MX1: variants seen among roughly 807,000 people sequenced by gnomAD.
The protein encoded by MX1 is interferon-induced GTP-binding protein Mx1.
Under a neutral mutation model 66.4 loss-of-function variants are expected in MX1, and 66 were observed. That is an observed-to-expected ratio of 0.99 (90% CI 0.82 to 1.22). The LOEUF is 1.22. Among genes scored for constraint, MX1 ranks in the 50% most tolerant of loss-of-function variants. The pLI is 0.00. For synonymous variants in MX1, 311 were observed against 318.1 expected, an observed-to-expected ratio of 0.98 and a Z score of 0.24; for missense variants, 787 against 834.3, an observed-to-expected ratio of 0.94 and a Z score of 0.70.
intron 8 of MX1, 53 bp from the exon 9 acceptor site, chr21:41,440,834 C>T: frequency 6.2e-7 from 1 of 1,610,294 alleles, no homozygotes; most frequent in East Asian, 2.2e-5. Flanking sequence ...CTTGTCTCAC[C>T]TCTCACTTGC....
intron 16 of MX1, among the ~76,000 whole-genome samples, chr21:41,455,549 C>T (rs549883721): frequency 2.0e-5 from 3 of 152,374 alleles, no homozygotes; most frequent in East Asian, 1.9e-4. Context: ...AGCCCTTCTC[C>T]GGGTTCATTT....
rs1601528442 is a variant in MX1 at position 41,449,241 on chromosome 21, C to T, written c.1378C>T (p.Gln460Ter). Reference sequence around the variant, plus strand: ...CAGGACATTTGAGACAATCGTGAAACAGCAAATCAAGGCACTGGAAGAGCC... The same window carrying T: ...CAGGACATTTGAGACAATCGTGAAATAGCAAATCAAGGCACTGGAAGAGCC... Reference protein sequence around the residue: ...NYRTFETIVKQQIKALEEPAV... With the variant: ...NYRTFETIVK The change falls in exon 14 of 17, where the codon CAG (glutamine) becomes TAG (stop). Residue 460 changes from glutamine to a stop codon, truncating the protein, a stop_gained. Coordinates refer to ENST00000398598, the MANE Select transcript of MX1 (RefSeq NM_002462.5). LOFTEE classifies it high-confidence loss of function. 6.2e-7 allele frequency: 1 copy of T among 1,613,914 alleles called. No homozygotes were observed. The highest frequency in any genetic ancestry group is 2.2e-5 in the East Asian group (1 of 44,876).
At chr21:41,445,860 T>G (rs1055128555) in intron 12 of MX1, 140 bp from the exon 13 acceptor site, 10 of 1,130,832 alleles carry the variant, frequency 8.8e-6, no homozygotes, top group African/African-American at 1.6e-5. Flanking sequence ...TGCCAAAACC[T>G]CTTCTTTCCC....
At chr21:41,431,784 T>C (rs1467643856) in intron 4 of MX1, 4 of 353,954 alleles carry the variant, frequency 1.1e-5, no homozygotes, top group Non-Finnish European at 2.1e-5. Context: ...TGGAGGGATA[T>C]TCTTGAAGCG....
rs573531362 is a variant in MX1 at position 41,443,703 on chromosome 21, G to A, written c.930-85G>A. On this transcript the variant is annotated intron_variant, in intron 10 of 16. Transcript: ENST00000398598. ...ATCCAGTTGTAAGCAACTGAAATTTGCCTTGACTTTCCCCAACAGCAAAAA... is the reference window on the plus strand; with the variant it reads ...ATCCAGTTGTAAGCAACTGAAATTTACCTTGACTTTCCCCAACAGCAAAAA... 85 of 1,262,486 alleles carry A rather than the reference G, an allele frequency of 6.7e-5. No homozygotes were observed. The East Asian group carries it at 7.5e-4, about 11-fold the overall frequency. The allele number at this position is 1,262,486 out of a possible 1,614,324, so 78.2% of individuals were successfully genotyped here.
In MX1 at chr21:41,441,321, C is replaced by T. The variant is rs2090505635; in HGVS notation, c.730+296C>T. ...TTTTGACTCTCACTGGCTAGGTTGC[C>T]TTGTAAGCCTTATCTACTTGCTCAG... On this transcript the variant is annotated intron_variant, in intron 9 of 16. Transcript: ENST00000398598. This position sits in a 1 kb window ranked among gnomAD's most constrained non-coding sequence, Gnocchi z 4.0. The T allele has an allele frequency of 2.0e-5, 9 of 442,010 alleles. No homozygotes were observed. In the South Asian group the frequency reaches 2.2e-4, roughly 11 times the overall value. 27.4% of individuals were successfully genotyped at this position (442,010 alleles called of 1,614,324 possible).
At chr21:41,429,758 A>T (rs1349926319) in intron 3 of MX1, 3 of 152,056 alleles carry the variant, frequency 2.0e-5, no homozygotes, top group African/African-American at 7.3e-5. Context: ...AATACAAAAA[A>T]TTAGCCGGGT....
At chr21:41,421,687 A>G (rs1318555345), upstream of MX1, among the ~76,000 whole-genome samples, 2 of 152,216 alleles carry the variant, frequency 1.3e-5, no homozygotes, top group African/African-American at 4.8e-5. Flanking sequence ...CACATGTTTC[A>G]GAGAGCATGG....
At chr21:41,422,303 A>G (rs981716207), upstream of MX1, among the ~76,000 whole-genome samples, 2 of 152,244 alleles carry the variant, frequency 1.3e-5, no homozygotes, top group African/African-American at 2.4e-5. Flanking sequence ...CAATGTCAGG[A>G]AGTTACCCTA....
chr21:41,457,680 C>A (rs1476112136), intron 16 of MX1, among the ~76,000 whole-genome samples: 1 of 152,192 alleles, frequency 6.6e-6, no homozygotes, highest in African/African-American at 2.4e-5. Context: ...CTTTTTCTTT[C>A]TTTAAATTGT....
At chr21:41,443,975 T>A in intron 11 of MX1, 109 bp downstream of exon 11, 2 of 1,050,312 alleles carry the variant, frequency 1.9e-6, no homozygotes, top group South Asian at 2.8e-5. Context: ...CTGAGGATCT[T>A]GTTAAGATGC....
intron 5 of MX1, among the ~76,000 whole-genome samples, chr21:41,432,525 G>T (rs1481221005): frequency 6.6e-6 from 1 of 152,170 alleles, no homozygotes; most frequent in African/African-American, 2.4e-5. Flanking sequence ...AAACCCTGGG[G>T]CATCATTAAG....
chr21:41,455,806 C>T (rs1471282603), intron 16 of MX1, among the ~76,000 whole-genome samples: 2 of 152,216 alleles, frequency 1.3e-5, no homozygotes, highest in African/African-American at 4.8e-5. Context: ...AGTTTGTTTG[C>T]AGTCTTTTGC....
At chr21:41,443,739 C>T (rs778061508) in intron 10 of MX1, 49 bp from the exon 11 acceptor site, 17 of 1,570,340 alleles carry the variant, frequency 1.1e-5, no homozygotes, top group Admixed American at 1.0e-4. Context: ...GGCAGACATG[C>T]GTGTTCTGGC....
intron 8 of MX1, among the ~76,000 whole-genome samples, chr21:41,440,618 A>G (rs902140066): frequency 6.6e-6 from 1 of 152,144 alleles, no homozygotes; most frequent in African/African-American, 2.4e-5. Context: ...TGACCATCAG[A>G]TCTGAGGTCT....
rs56260837 is a variant in MX1 at position 41,441,083 on chromosome 21, G to GATGAGAATGGGGGAGCCCGCCTGTGCTCT, written c.730+58_730+59insATGAGAATGGGGGAGCCCGCCTGTGCTCT. 1 of 1,422,382 alleles carries GATGAGAATGGGGGAGCCCGCCTGTGCTCT rather than the reference G, an allele frequency of 7.0e-7. No homozygotes were observed. Among genetic ancestry groups the GATGAGAATGGGGGAGCCCGCCTGTGCTCT allele is most frequent in the Non-Finnish European group, 9.4e-7 (1 of 1,062,570 alleles). 88.1% of individuals were successfully genotyped at this position (1,422,382 alleles called of 1,614,324 possible). A position where few individuals can be genotyped will look rare whatever the true frequency, so the allele number is the denominator to read the frequency against. ...AGAATGGGGGAGCCCGCCTGTGCTCGGTGAGAATGGGGGAGCCCACCTGTG... is the reference window on the plus strand; with the variant it reads ...AGAATGGGGGAGCCCGCCTGTGCTCGATGAGAATGGGGGAGCCCGCCTGTGCTCTGTGAGAATGGGGGAGCCCACCTGTG... On this transcript the variant is annotated intron_variant, in intron 9 of 16. Transcript: ENST00000398598. This position sits in a 1 kb window ranked among gnomAD's most constrained non-coding sequence, Gnocchi z 4.0.
At chr21:41,449,349 G>C (rs934882786) in intron 14 of MX1, 54 bp downstream of exon 14, 165 of 1,556,836 alleles carry the variant, frequency 1.1e-4, no homozygotes, top group Admixed American at 2.2e-4. Flanking sequence ...GGAAAGGTTC[G>C]AACCAAAGCC....
chr21:41,426,706 C>A (rs1008142328), intron 1 of MX1: 1 of 152,270 alleles, frequency 6.6e-6, no homozygotes, highest in Non-Finnish European at 1.5e-5. Flanking sequence ...CCTGGGAACG[C>A]GCGAAAGCAA....
chr21:41,431,794 G>T (rs11702024), intron 4 of MX1: 16 of 385,346 alleles, frequency 4.2e-5, no homozygotes, highest in Admixed American at 1.2e-4. Flanking sequence ...TTCTTGAAGC[G>T]CCTTGAGCAG....
Sources: allele counts gnomAD v4.1 joint callset (sites outside exome capture counted in the v4.1 genomes callset), GRCh38; gene constraint gnomAD v4.1.1; non-coding constraint Gnocchi (gnomAD v3.1); transcripts MANE v1.5; gene names NCBI Gene and HGNC (gene_info 2026-07-23, HGNC 2026-07-21).